TFR2: variants seen among roughly 807,000 people sequenced by gnomAD.
TFR2 encodes transferrin receptor 2.
A neutral mutation model predicts 91.9 loss-of-function variants in TFR2; 64 were observed. The ratio of observed to expected loss-of-function variants is 0.70; its 90% CI spans 0.57 to 0.86. TFR2 has a LOEUF of 0.86. TFR2 is among the 40% of genes least tolerant of loss of function. The pLI is 0.00. For synonymous variants in TFR2, 454 were observed against 459.6 expected (o/e 0.99, Z 0.15); for missense variants, 950 against 1,080.5 (o/e 0.88, Z 1.69).
At chr7:100,623,259 G>A (rs910306695) in intron 17 of TFR2, among the ~76,000 whole-genome samples, 4 of 152,218 alleles carry the variant, frequency 2.6e-5, no homozygotes, top group Admixed American at 2.6e-4. Context: ...GTGACAGAGC[G>A]AGACTCCGTC....
Position 100,639,157 on chromosome 7 carries a change from C to T in TFR2, c.473+1529G>A, listed in dbSNP as rs575278068. The stretch of plus-strand genomic sequence containing the variant: ...CGCTTTGGCAGATCGCTTGAGCTTA[C>T]GAGTTGGAGACCAACCTGGGCAACA... On this transcript the variant is annotated intron_variant, in intron 3 of 17. Coordinates refer to ENST00000223051, the MANE Select transcript of TFR2 (RefSeq NM_003227.4). 1.6e-4 allele frequency among the ~76,000 whole-genome samples: 24 copies of T among 152,228 alleles called. No individual in the cohort carries two copies. In the East Asian group the frequency reaches 4.2e-3, roughly 27 times the overall value.
intron 17 of TFR2, among the ~76,000 whole-genome samples, chr7:100,625,626 G>A (rs1803233029): frequency 6.6e-6 from 1 of 152,298 alleles, no homozygotes; most frequent in East Asian, 1.9e-4. Flanking sequence ...GCTCACGCCT[G>A]TAACCCCAGC....
rs765387386 is a variant in TFR2 at position 100,641,163 on chromosome 7, G to T, written c.99C>A (p.His33Gln). The T allele has an allele frequency of 3.3e-6, 5 of 1,533,618 alleles. No homozygotes were observed. The East Asian group carries it at 7.1e-5, about 22-fold the overall frequency. Reference protein sequence around the residue: ...YQRVEGPRKGHLEEEEEDGEE... With the variant: ...YQRVEGPRKGQLEEEEEDGEE... ...CCCCGTCTTCCTCTTCCTCCTCCAG[G>T]TGCCCTTTCCGGGGGCCTTCCACAC... The change falls in exon 2 of 18, where the codon CAC (histidine) becomes CAA (glutamine). Residue 33 changes from histidine (H) to glutamine (Q), a missense_variant. By Grantham distance (24) the His-to-Gln change is conservative. Transcript: ENST00000223051.
At chr7:100,633,944 G>A (rs1803522950) in intron 3 of TFR2, among the ~76,000 whole-genome samples, 1 of 151,920 alleles carries the variant, frequency 6.6e-6, no homozygotes. Flanking sequence ...CTGATCTCAG[G>A]TGATCTGCCC....
chr7:100,626,574 TC>T, intron 17 of TFR2, 188 bp downstream of exon 17: 1 of 1,416,274 alleles, frequency 7.1e-7, no homozygotes, highest in Non-Finnish European at 9.2e-7. Context: ...ATCACTTTGA[TC>T]GCTCGGGTCC....
chr7:100,637,586 T>C (rs945871860), intron 3 of TFR2, among the ~76,000 whole-genome samples: 3 of 151,908 alleles, frequency 2.0e-5, no homozygotes, highest in Non-Finnish European at 4.4e-5. Flanking sequence ...AGAGTGAGAA[T>C]TGGTTGCAAA....
chr7:100,641,365 A>C (rs1269871891), intron 1 of TFR2, 112 bp downstream of exon 1: 1 of 1,487,298 alleles, frequency 6.7e-7, no homozygotes. Context: ...CAGGGGTGGG[A>C]AGAAGCGAGG....
In TFR2 at chr7:100,624,489, G is replaced by A. The variant is rs191828406; in HGVS notation, c.2136+2274C>T. 2.0e-3 allele frequency among the ~76,000 whole-genome samples: 298 copies of A among 152,286 alleles called. 1 individual carries two copies. The highest frequency in any genetic ancestry group is 5.6e-3 in the Admixed American group (85 of 15,274). ...TTTTGCAGGCCATGCTGCTTTTATT[G>A]CAGCTACTTAACGTTGCTGCTATTA... On this transcript the variant is annotated intron_variant, in intron 17 of 17. Coordinates refer to ENST00000223051, the MANE Select transcript of TFR2 (RefSeq NM_003227.4).
intron 17 of TFR2, among the ~76,000 whole-genome samples, chr7:100,622,480 G>C (rs1423833950): frequency 6.6e-6 from 1 of 152,248 alleles, no homozygotes; most frequent in African/African-American, 2.4e-5. Flanking sequence ...TGAGCATGGG[G>C]TGAGCACAGG....
intron 8 of TFR2, 127 bp from the exon 9 acceptor site, chr7:100,631,179 G>A: frequency 1.8e-6 from 2 of 1,117,512 alleles, no homozygotes; most frequent in East Asian, 2.6e-5. Context: ...GACGCTGCCT[G>A]GGTAGGGCAG....
chr7:100,632,042 C>T (rs201411219), intron 7 of TFR2, 40 bp downstream of exon 7: 255 of 1,613,796 alleles, frequency 1.6e-4, no homozygotes, highest in Non-Finnish European at 2.1e-4. Context: ...GGTGTGGCCT[C>T]GGGACCTGGG....
Position 100,640,674 on chromosome 7 carries a change from G to A in TFR2, c.473+12C>T, listed in dbSNP as rs200864701. On this transcript the variant is annotated intron_variant, in intron 3 of 17. Coordinates refer to ENST00000223051, the MANE Select transcript of TFR2 (RefSeq NM_003227.4). ...GACACTCGAGAACAGGATGGGGCAG[G>A]GCCATCCCTACCTGATGGTGTCCTC... The A allele has an allele frequency of 1.8e-4, 292 of 1,610,942 alleles. No homozygotes were observed. In the African/African-American group the frequency reaches 3.2e-3, roughly 18 times the overall value.
chr7:100,628,045 G>C, intron 12 of TFR2, 28 bp downstream of exon 12: 3 of 1,614,072 alleles, frequency 1.9e-6, no homozygotes, highest in African/African-American at 1.3e-5. Flanking sequence ...ACCCCAGGGG[G>C]CCAGGTGGTG....
intron 3 of TFR2, among the ~76,000 whole-genome samples, chr7:100,639,142 G>T (rs1803639092): frequency 6.6e-6 from 1 of 152,222 alleles, no homozygotes; most frequent in Admixed American, 6.5e-5. Flanking sequence ...CGCTTTGGCA[G>T]ATCGCTTGAG....
At chr7:100,621,402 C>T (rs1051973661) in intron 17 of TFR2, among the ~76,000 whole-genome samples, 4 of 152,130 alleles carry the variant, frequency 2.6e-5, no homozygotes, top group Admixed American at 6.5e-5. Flanking sequence ...TACAGGCACC[C>T]GCCACGACGC....
chr7:100,630,968 C>T lies in TFR2; in HGVS notation c.1191G>A (p.Leu397=). The T allele has an allele frequency of 6.2e-7, 1 of 1,612,888 alleles. No homozygotes were observed. The highest frequency in any genetic ancestry group is 1.1e-5 in the South Asian group (1 of 91,004). The change falls in exon 9 of 18, where the codon CTG becomes CTA. Residue 397 remains leucine, a synonymous_variant. Transcript: ENST00000223051. The part of the protein sequence containing the change: ...SPYHLGPGPR[L]RLVVNNHRTS... Reference sequence around the variant, plus strand: ...TCCTGTGATTGTTGACCACTAGCCGCAGTCGTGGCCCGGGGCCCAGGTGAT... The same window carrying T: ...TCCTGTGATTGTTGACCACTAGCCGTAGTCGTGGCCCGGGGCCCAGGTGAT...
chr7:100,638,073 G>A (rs557027375), intron 3 of TFR2, among the ~76,000 whole-genome samples: 68 of 152,020 alleles, frequency 4.5e-4, no homozygotes, highest in African/African-American at 1.6e-3. Flanking sequence ...GCGCGATCTC[G>A]GTTCACTGCA....
intron 12 of TFR2, 23 bp from the exon 13 acceptor site, chr7:100,627,997 A>G (rs746317846): frequency 6.2e-7 from 1 of 1,614,004 alleles, no homozygotes; most frequent in African/African-American, 1.3e-5. Context: ...GAGGGGAGGG[A>G]TGCCAGGCTC....
At chr7:100,627,134 A>AG in intron 16 of TFR2, 130 bp downstream of exon 16, 2 of 1,260,358 alleles carry the variant, frequency 1.6e-6, no homozygotes, top group Non-Finnish European at 2.2e-6. Flanking sequence ...GACTGGAGGC[A>AG]GGGGGTTAAT....
Sources: gnomAD v4.1 joint callset for allele counts (sites outside exome capture counted in the v4.1 genomes callset) on GRCh38, gnomAD v4.1.1 for gene constraint, MANE v1.5 for transcripts, NCBI Gene and HGNC (gene_info 2026-07-23, HGNC 2026-07-21) for gene names.